The following PALLD variants were observed in gnomAD, a reference collection of about 807,000 sequenced individuals.
The protein encoded by PALLD is palladin, cytoskeletal associated protein.
In PALLD, 61 loss-of-function variants were observed where a neutral mutation model predicts 123.5. The ratio of observed to expected loss-of-function variants is 0.49; its 90% CI spans 0.40 to 0.61. The LOEUF (loss-of-function observed/expected upper bound fraction) is 0.61. Among genes scored for constraint, PALLD ranks in the 20% least tolerant of loss-of-function variants. The probability of loss-of-function intolerance (pLI) is 0.00; values close to 1 mark genes in which losing one functional copy is unlikely to be tolerated. For missense variants in PALLD, 1,273 were observed against 1,377.0 expected, an observed-to-expected ratio of 0.92 and a Z score of 1.20; for synonymous variants, 465 against 496.4, an observed-to-expected ratio of 0.94 and a Z score of 0.84.
At chr4:168,690,575 GT>G in intron 6 of PALLD, 27 bp from the exon 7 acceptor site, 1 of 1,614,036 alleles carries the variant, frequency 6.2e-7, no homozygotes, top group Non-Finnish European at 8.5e-7. Context: ...GTCTGATGGG[GT>G]TTTCCTTGAA....
chr4:168,782,199 G>A (rs769153121), intron 10 of PALLD, among the ~76,000 whole-genome samples: 6 of 152,166 alleles, frequency 3.9e-5, no homozygotes, highest in East Asian at 1.9e-4. Flanking sequence ...ACACTGAGGC[G>A]CAACAGAACT....
chr4:168,844,584 T>C lies in PALLD; in HGVS notation c.1965-46338T>C, dbSNP rs1746528495. ...GTGCCATCAGCGCAAGACCCTGTGA[T>C]TTCTGTGGTATTCTAATTTTATCTG... On this transcript the variant is annotated intron_variant, in intron 10 of 21. Coordinates refer to ENST00000505667, the MANE Select transcript of PALLD (RefSeq NM_001166108.2). This position sits in a 1 kb window ranked among gnomAD's most constrained non-coding sequence, Gnocchi z 4.5. 1.3e-5 allele frequency: 2 copies of C among 152,178 alleles called. No individual in the cohort carries two copies. The highest frequency in any genetic ancestry group is 1.3e-4 in the Admixed American group (2 of 15,278). The allele number at this position is 152,178 out of a possible 1,614,324, so 9.4% of individuals were successfully genotyped here.
intron 2 of PALLD, among the ~76,000 whole-genome samples, chr4:168,547,965 A>C (rs1417860962): frequency 4.0e-5 from 6 of 150,886 alleles, no homozygotes; most frequent in Admixed American, 4.0e-4. Flanking sequence ...AAAAAAAAAA[A>C]ACCTGGGAGG....
intron 2 of PALLD, among the ~76,000 whole-genome samples, chr4:168,556,330 C>A (rs1428037739): frequency 1.3e-5 from 2 of 152,048 alleles, no homozygotes; most frequent in Admixed American, 1.3e-4. Context: ...CTCCTGACCT[C>A]GTGATCCGCC....
At chr4:168,639,472 C>A (rs1464467703) in intron 2 of PALLD, among the ~76,000 whole-genome samples, 2 of 152,014 alleles carry the variant, frequency 1.3e-5, no homozygotes, top group Admixed American at 6.6e-5. Flanking sequence ...GACCATGAAT[C>A]ATAAGAAATG....
At chr4:168,521,409 G>A (rs1763551095) in intron 2 of PALLD, among the ~76,000 whole-genome samples, 1 of 152,046 alleles carries the variant, frequency 6.6e-6, no homozygotes, top group Non-Finnish European at 1.5e-5. Flanking sequence ...GGAAATAATA[G>A]AAGTACCCAC....
At chr4:168,579,384 A>T (rs990438817) in intron 2 of PALLD, among the ~76,000 whole-genome samples, 1 of 152,168 alleles carries the variant, frequency 6.6e-6, no homozygotes, top group Admixed American at 6.6e-5. Context: ...AATGCATCCA[A>T]TTGCTAAATT....
chr4:168,718,703 C>A (rs775842299), intron 10 of PALLD, among the ~76,000 whole-genome samples: 5 of 152,066 alleles, frequency 3.3e-5, no homozygotes, highest in Admixed American at 2.6e-4. Flanking sequence ...CAAATATATA[C>A]GTATATATAA....
At chr4:168,700,776 T>C (rs1413323948) in intron 8 of PALLD, 1 of 152,210 alleles carries the variant, frequency 6.6e-6, no homozygotes, top group Non-Finnish European at 1.5e-5. Context: ...GGCAGGAGGA[T>C]TGCTTGAGCC....
chr4:168,734,285 T>C (rs1302270674), intron 10 of PALLD, among the ~76,000 whole-genome samples: 1 of 152,184 alleles, frequency 6.6e-6, no homozygotes, highest in African/African-American at 2.4e-5. Context: ...TTTTTTTTTT[T>C]TTAAGTGTAA....
intron 10 of PALLD, among the ~76,000 whole-genome samples, chr4:168,865,304 T>C (rs1750106950): frequency 6.6e-6 from 1 of 152,268 alleles, no homozygotes; most frequent in African/African-American, 2.4e-5. Context: ...TCTCTTGTGC[T>C]TGCCAAAACG....
At chr4:168,590,887 T>G (rs1174263787) in intron 2 of PALLD, among the ~76,000 whole-genome samples, 4 of 142,134 alleles carry the variant, frequency 2.8e-5, no homozygotes, top group African/African-American at 1.1e-4. Flanking sequence ...TTTTTTTTTT[T>G]TTTTTTTTTG....
chr4:168,906,009 T>C (rs1247140112), intron 15 of PALLD, among the ~76,000 whole-genome samples: 3 of 152,058 alleles, frequency 2.0e-5, no homozygotes, highest in African/African-American at 7.2e-5. Flanking sequence ...TTTTTCCTTA[T>C]TATATTTTCA....
At chr4:168,672,099 A>C (rs914066672) in intron 3 of PALLD, among the ~76,000 whole-genome samples, 5 of 152,144 alleles carry the variant, frequency 3.3e-5, no homozygotes, top group African/African-American at 1.2e-4. Flanking sequence ...CACCATTTAA[A>C]ATTTTCTTAT....
At chr4:168,540,429 C>G (rs1765505176) in intron 2 of PALLD, among the ~76,000 whole-genome samples, 1 of 152,176 alleles carries the variant, frequency 6.6e-6, no homozygotes, top group Non-Finnish European at 1.5e-5. Flanking sequence ...ACAGAAACCA[C>G]CTCACCCTCT....
intron 17 of PALLD, among the ~76,000 whole-genome samples, chr4:168,920,190 C>T (rs553718883): frequency 2.6e-5 from 4 of 152,322 alleles, no homozygotes; most frequent in African/African-American, 7.2e-5. Context: ...ACATGGAGAG[C>T]TGGGGACAGC....
At chr4:168,747,299 G>C (rs892718750) in intron 10 of PALLD, among the ~76,000 whole-genome samples, 3 of 152,242 alleles carry the variant, frequency 2.0e-5, no homozygotes, top group African/African-American at 7.2e-5. Flanking sequence ...TGAGGCTGAG[G>C]CAGTAGGCAA....
intron 10 of PALLD, among the ~76,000 whole-genome samples, chr4:168,822,405 T>C (rs1742855811): frequency 6.6e-6 from 1 of 152,126 alleles, no homozygotes; most frequent in African/African-American, 2.4e-5. Context: ...TGAGGTCAAA[T>C]GATACTGATC....
chr4:168,510,769 G>T (rs1232051864), intron 1 of PALLD, among the ~76,000 whole-genome samples: 2 of 152,182 alleles, frequency 1.3e-5, no homozygotes, highest in Non-Finnish European at 2.9e-5. Flanking sequence ...CTGGTTTCAT[G>T]CTCATGCAGA....
Sources: gnomAD v4.1 joint callset for allele counts (sites outside exome capture counted in the v4.1 genomes callset) on GRCh38, gnomAD v4.1.1 for gene constraint, Gnocchi (gnomAD v3.1) non-coding constraint, MANE v1.5 for transcripts, NCBI Gene and HGNC (gene_info 2026-07-23, HGNC 2026-07-21) for gene names.